Variants in EZH1 observed in about 807,000 individuals in gnomAD.
EZH1 encodes the protein enhancer of zeste 1 polycomb repressive complex 2 subunit.
Under a neutral mutation model 100.5 loss-of-function variants are expected in EZH1, and 33 were observed. That is an observed-to-expected ratio of 0.33 (90% confidence interval 0.25 to 0.44). EZH1 has a LOEUF of 0.44. Ranked by LOEUF, EZH1 falls within the 20% of genes least tolerant of loss-of-function variation. EZH1 has a pLI of 1.00. For synonymous variants in EZH1, 272 were observed against 313.8 expected (o/e 0.87, Z 1.41); for missense variants, 475 against 928.4 (o/e 0.51, Z 6.35).
At position 42,706,404 on chromosome 17, in the gene EZH1, G is replaced by A. The variant is rs1442108293; in HGVS notation, c.1661-219C>T. 6.6e-6 allele frequency among the ~76,000 whole-genome samples: 1 copy of A among 152,112 alleles called. No homozygotes were observed. The highest frequency in any genetic ancestry group is 1.9e-4 in the East Asian group (1 of 5,196). ...CCTTCGAGTCAAAAAAGCAGGTGTG[G>A]TCAAGCATGGTGGCTCATGCCTGTA... On this transcript the variant is annotated intron_variant, in intron 15 of 20. Coordinates refer to ENST00000428826, the MANE Select transcript of EZH1 (RefSeq NM_001991.5). The surrounding 1 kb of genome is among the most constrained non-coding windows in gnomAD (Gnocchi z 4.4).
intron 4 of EZH1, among the ~76,000 whole-genome samples, chr17:42,726,027 C>T (rs537236385): frequency 1.8e-4 from 28 of 151,458 alleles, no homozygotes; most frequent in Non-Finnish European, 3.2e-4. Context: ...TATAGGTGCA[C>T]GCCACCACGC....
intron 5 of EZH1, among the ~76,000 whole-genome samples, chr17:42,723,473 C>T (rs940577750): frequency 1.3e-5 from 2 of 151,820 alleles, no homozygotes; most frequent in Non-Finnish European, 2.9e-5. Flanking sequence ...ATAAACTGGG[C>T]AATCATAAGA....
In EZH1 at chr17:42,727,816, A is replaced by C. The variant is rs2053851925; in HGVS notation, c.118-53T>G. 3.9e-6 allele frequency: 5 copies of C among 1,265,898 alleles called. No homozygotes were observed. In the African/African-American group the frequency reaches 6.4e-5, roughly 16 times the overall value. The allele number at this position is 1,265,898 out of a possible 1,614,324, so 78.4% of individuals were successfully genotyped here. On this transcript the variant is annotated intron_variant, in intron 3 of 20. Transcript: ENST00000428826. ...TATATTGTTATTTTATTAATTAATT[A>C]ATAATTTATTTTTTTGAGATGGAGT...
At chr17:42,744,329 T>C (rs999322652) in intron 1 of EZH1, among the ~76,000 whole-genome samples, 2 of 152,100 alleles carry the variant, frequency 1.3e-5, no homozygotes, top group African/African-American at 4.8e-5. Context: ...TGATCCTCGG[T>C]TGAATGGTGG....
At chr17:42,704,506 C>G in intron 18 of EZH1, 96 bp downstream of exon 18, 1 of 946,358 alleles carries the variant, frequency 1.1e-6, no homozygotes, top group South Asian at 1.6e-5. Flanking sequence ...CAAGATCGCA[C>G]CATTGCACCC....
chr17:42,739,329 C>T (rs999008087), intron 1 of EZH1, among the ~76,000 whole-genome samples: 1 of 152,200 alleles, frequency 6.6e-6, no homozygotes, highest in African/African-American at 2.4e-5. Context: ...TTAGTTTGAG[C>T]TTCTGGGCAC....
chr17:42,722,762 C>T (rs2053740840), intron 6 of EZH1, 33 bp downstream of exon 6: 2 of 1,600,572 alleles, frequency 1.2e-6, no homozygotes, highest in East Asian at 2.2e-5. Flanking sequence ...CTGATTCTAA[C>T]AAAATTTTCT....
At position 42,702,553 on chromosome 17, in the gene EZH1, C is replaced by A; in HGVS notation, c.2223G>T (p.Glu741Asp). Residue 741 changes from glutamate to aspartate, a missense_variant, in exon 21 of 21, where the codon GAG (glutamate) becomes GAT (aspartate). Coordinates refer to ENST00000428826, the MANE Select transcript of EZH1 (RefSeq NM_001991.5). Reference protein sequence around the residue: ...QADALKYVGIERETDVL With the variant: ...QADALKYVGIDRETDVL Reference sequence around the variant, plus strand: ...AGGGCTAAAGGACGTCGGTCTCCCTCTCGATCCCCACGTACTTGAGAGCAT... The same window carrying A: ...AGGGCTAAAGGACGTCGGTCTCCCTATCGATCCCCACGTACTTGAGAGCAT... 1 of 1,566,490 alleles carries A rather than the reference C, an allele frequency of 6.4e-7. No individual in the cohort carries two copies. Among genetic ancestry groups the A allele is most frequent in the South Asian group, 1.2e-5 (1 of 85,364 alleles).
chr17:42,710,623 T>C (rs1455303977), intron 12 of EZH1, among the ~76,000 whole-genome samples: 1 of 150,060 alleles, frequency 6.7e-6, no homozygotes, highest in Non-Finnish European at 1.5e-5. Flanking sequence ...GGTTCTGTTT[T>C]TGTTTGTTTT....
intron 5 of EZH1, among the ~76,000 whole-genome samples, chr17:42,723,845 G>C (rs2053765780): frequency 6.6e-6 from 1 of 152,208 alleles, no homozygotes; most frequent in Non-Finnish European, 1.5e-5. Context: ...AATAATCCTA[G>C]TAGGAGTCAG....
chr17:42,737,959 G>A lies in EZH1; in HGVS notation c.-102-7041C>T, dbSNP rs143622799. On this transcript the variant is annotated intron_variant, in intron 1 of 20. Transcript: ENST00000428826. The stretch of plus-strand genomic sequence containing the variant: ...TGGGAGGCCGAGACAGGCGGATCAC[G>A]AGGTCAGGAGATCAAGACCATCCTG... 7.0e-3 allele frequency among the ~76,000 whole-genome samples: 1,063 copies of A among 152,062 alleles called. 10 individuals are homozygous for A. Among genetic ancestry groups the A allele is most frequent in the African/African-American group, 0.025 (1,019 of 41,482 alleles).
chr17:42,731,293 G>C (rs1401843817), intron 1 of EZH1, among the ~76,000 whole-genome samples: 2 of 151,558 alleles, frequency 1.3e-5, no homozygotes, highest in Non-Finnish European at 2.9e-5. Context: ...AAATTTTTTT[G>C]TATTTGTAGT....
intron 17 of EZH1, 31 bp downstream of exon 17, chr17:42,705,054 GAGT>G: frequency 6.5e-7 from 1 of 1,533,316 alleles, no homozygotes; most frequent in African/African-American, 1.4e-5. Flanking sequence ...AGTCTCCCCC[GAGT>G]AAGAATGTGG....
intron 1 of EZH1, among the ~76,000 whole-genome samples, chr17:42,741,314 G>T (rs1398608372): frequency 3.9e-5 from 6 of 152,162 alleles, no homozygotes; most frequent in African/African-American, 1.4e-4. Context: ...CCGCCTTCCA[G>T]GTTCAAGGGA....
intron 16 of EZH1, 90 bp from the exon 17 acceptor site, chr17:42,705,273 TG>T: frequency 1.5e-6 from 1 of 672,074 alleles, no homozygotes; most frequent in South Asian, 1.6e-5. Context: ...GGGGGTGGGG[TG>T]GAAAGAACCA....
At position 42,735,578 on chromosome 17, in the gene EZH1, T is replaced by C. The variant is rs2054049481; in HGVS notation, c.-102-4660A>G. On this transcript the variant is annotated intron_variant, in intron 1 of 20. Coordinates refer to ENST00000428826, the MANE Select transcript of EZH1 (RefSeq NM_001991.5). ...GCTAGTACTTAACAGCCTTTCATTA[T>C]GTTCATCTACACATTGAAGATAAAC... Among the ~76,000 whole-genome samples, 3 of 152,120 alleles carry C rather than the reference T, an allele frequency of 2.0e-5. No homozygotes were observed. In the South Asian group the frequency reaches 6.2e-4, roughly 32 times the overall value.
rs531306090 is a variant in EZH1, at chr17:42,702,972, G to A, written c.2099-11C>T. The A allele has an allele frequency of 1.2e-6, 2 of 1,613,794 alleles. No individual in the cohort carries two copies. Among genetic ancestry groups the A allele is most frequent in the African/African-American group, 2.7e-5 (2 of 74,922 alleles). On this transcript the variant is annotated splice_polypyrimidine_tract_variant and intron_variant, in intron 19 of 20. Coordinates refer to ENST00000428826, the MANE Select transcript of EZH1 (RefSeq NM_001991.5). ...CATTCACCATGACCACTGCAAGCAG[G>A]ATAAACCCGAGGCTAGGTTCCTACC...
chr17:42,717,482 C>G (rs1045016818), intron 10 of EZH1, among the ~76,000 whole-genome samples: 2 of 152,154 alleles, frequency 1.3e-5, no homozygotes, highest in Non-Finnish European at 1.5e-5. Flanking sequence ...GATCTATTTC[C>G]TTCTAGCTCT....
chr17:42,709,029 T>TA, intron 13 of EZH1, 113 bp from the exon 14 acceptor site: 6 of 1,224,400 alleles, frequency 4.9e-6, no homozygotes, highest in Non-Finnish European at 6.0e-6. Flanking sequence ...CTGGGGAGTA[T>TA]CTTCCCAAAC....
Sources: allele counts gnomAD v4.1 joint callset (sites outside exome capture counted in the v4.1 genomes callset), GRCh38; gene constraint gnomAD v4.1.1; non-coding constraint Gnocchi (gnomAD v3.1); transcripts MANE v1.5; gene names NCBI Gene and HGNC (gene_info 2026-07-23, HGNC 2026-07-21).